The following RP1 variants were observed in gnomAD, a reference collection of about 807,000 sequenced individuals.
RP1 encodes oxygen-regulated protein 1.
In RP1, 16 loss-of-function variants were observed where a neutral mutation model predicts 14.8. That is an observed-to-expected ratio of 1.08 (90% CI 0.73 to 1.65). RP1 has a LOEUF of 1.65. Ranked by LOEUF, RP1 falls within the 40% of genes most tolerant of loss-of-function variation. RP1 has a pLI of 0.00. For missense variants in RP1, 2,631 were observed against 2,535.0 expected, an observed-to-expected ratio of 1.04 and a Z score of -0.81; for synonymous variants, 876 against 883.6, an observed-to-expected ratio of 0.99 and a Z score of 0.15.
intron 24 of RP1, among the ~76,000 whole-genome samples, chr8:54,801,803 T>C (rs1294446230): frequency 6.6e-6 from 1 of 152,216 alleles, no homozygotes; most frequent in East Asian, 1.9e-4. Flanking sequence ...GGTGAGCACA[T>C]GCTTAGGTCC....
intron 5 of RP1, among the ~76,000 whole-genome samples, chr8:54,653,484 A>C (rs1806696334): frequency 6.6e-6 from 1 of 152,190 alleles, no homozygotes. Flanking sequence ...ACAAGTTCTC[A>C]AAATGTGCAG....
exon 13 of RP1, chr8:54,699,480 T>C (rs1166362198): frequency 7.3e-7 from 1 of 1,374,078 alleles, no homozygotes; most frequent in African/African-American, 1.4e-5. Context: ...TCTTTGATGT[T>C]ATTTTCAACA....
chr8:54,561,476 C>A (rs969606944), intron 1 of RP1, among the ~76,000 whole-genome samples: 9 of 151,682 alleles, frequency 5.9e-5, no homozygotes, highest in South Asian at 2.1e-4. Flanking sequence ...AAAAACAGCA[C>A]CCTTAGAAAC....
At chr8:54,649,186 T>A in intron 4 of RP1, 2 of 1,403,358 alleles carry the variant, frequency 1.4e-6, no homozygotes, top group Non-Finnish European at 1.9e-6. Flanking sequence ...TTAATATAAG[T>A]GATACACCTA....
chr8:54,848,074 C>T (rs1262156572), intron 25 of RP1, among the ~76,000 whole-genome samples: 2 of 152,166 alleles, frequency 1.3e-5, no homozygotes, highest in African/African-American at 4.8e-5. Flanking sequence ...GCTCTCTCTC[C>T]CTCCTCTCCT....
chr8:54,797,269 A>C (rs1349162515), intron 24 of RP1, among the ~76,000 whole-genome samples: 1 of 152,162 alleles, frequency 6.6e-6, no homozygotes, highest in African/African-American at 2.4e-5. Flanking sequence ...TTTATAGAGG[A>C]GGACGGCACC....
At position 54,629,938 on chromosome 8, in the gene RP1, G is replaced by A. The variant is rs750005747; in HGVS notation, c.6056G>A (p.Gly2019Asp). ...AACTTCTTGGGGTTAGAGGAAGAAG[G>A]TAATTTAAAGAAATTTCAACCAGAT... Reference protein sequence around the residue: ...RINFLGLEEEGNLKKFQPDLK... With the variant: ...RINFLGLEEEDNLKKFQPDLK... Residue 2019 changes from glycine (G) to aspartate (D), a missense_variant, in exon 4 of 4, where the codon GGT (glycine) becomes GAT (aspartate). Coordinates refer to ENST00000220676, the MANE Select transcript of RP1 (RefSeq NM_006269.2). 38 of 1,613,806 alleles carry A rather than the reference G, an allele frequency of 2.4e-5. No individual in the cohort carries two copies. The highest frequency in any genetic ancestry group is 6.7e-5 in the Admixed American group (4 of 59,994).
At chr8:54,564,463 T>C (rs1366878689) in intron 1 of RP1, among the ~76,000 whole-genome samples, 1 of 152,134 alleles carries the variant, frequency 6.6e-6, no homozygotes. Context: ...CTCAGAGGGT[T>C]GTTGTGACAA....
intron 1 of RP1, among the ~76,000 whole-genome samples, chr8:54,577,317 A>C (rs1804684458): frequency 6.6e-6 from 1 of 152,204 alleles, no homozygotes; most frequent in Non-Finnish European, 1.5e-5. Context: ...CACCTGGCTG[A>C]AAACTTTAAA....
At chr8:54,620,909 T>C (rs911040615) in intron 1 of RP1, 46 bp from the exon 2 acceptor site, 4 of 1,551,032 alleles carry the variant, frequency 2.6e-6, no homozygotes, top group Admixed American at 1.7e-5. Context: ...TACCATGTAT[T>C]CGCTATGGTG....
chr8:54,866,164 G>A (rs1812454113), intron 28 of RP1, among the ~76,000 whole-genome samples: 1 of 152,136 alleles, frequency 6.6e-6, no homozygotes, highest in Admixed American at 6.6e-5. Flanking sequence ...ATTGGATTAG[G>A]ACTTAGAAAA....
intron 14 of RP1, among the ~76,000 whole-genome samples, chr8:54,704,677 G>A (rs2129344539): frequency 6.6e-6 from 1 of 152,280 alleles, no homozygotes; most frequent in East Asian, 1.9e-4. Flanking sequence ...ATTAAGTGAA[G>A]TGCAAATAAA....
intron 15 of RP1, among the ~76,000 whole-genome samples, chr8:54,710,230 C>T (rs1808263839): frequency 6.6e-6 from 1 of 152,216 alleles, no homozygotes; most frequent in Non-Finnish European, 1.5e-5. Flanking sequence ...TTTACTTAGC[C>T]TGCCCCGCTC....
At chr8:54,580,409 T>C (rs1443121008) in intron 1 of RP1, among the ~76,000 whole-genome samples, 1 of 146,868 alleles carries the variant, frequency 6.8e-6, no homozygotes, top group Non-Finnish European at 1.5e-5. Context: ...TGGGTTCAAG[T>C]GATTCTCCTG....
chr8:54,567,659 GGTAGAAAACCTCTT>G (rs1804436950), intron 1 of RP1, among the ~76,000 whole-genome samples: 1 of 152,084 alleles, frequency 6.6e-6, no homozygotes, highest in Non-Finnish European at 1.5e-5. Context: ...TCTTTTGTGT[GGTAGAAAACCTCTT>G]GTAAATGCAT....
chr8:54,590,459 C>T (rs577502723), intron 1 of RP1, among the ~76,000 whole-genome samples: 6 of 152,266 alleles, frequency 3.9e-5, no homozygotes, highest in African/African-American at 1.2e-4. Flanking sequence ...CAGGGGTGCT[C>T]ACCCAGCCTA....
In RP1 at chr8:54,726,881, C is replaced by T. The variant is rs532789475; in HGVS notation, c.2521+405C>T. ...ACTGAAGCTTAAAAAAAAGTGCTCT[C>T]GGTCCCAGAGGCTTAAATTCCTAGT... On this transcript the variant is annotated intron_variant, in intron 17 of 22. Transcript: ENST00000636932. Among the ~76,000 whole-genome samples the T allele has an allele frequency of 3.3e-5, 5 of 152,078 alleles. No homozygotes were observed. The East Asian group carries it at 5.8e-4, about 18-fold the overall frequency.
At position 54,853,047 on chromosome 8, in the gene RP1, A is replaced by T. The variant is rs560160330; in HGVS notation, c.3990+319A>T. Reference sequence around the variant, plus strand: ...TTTTAAAGGTATGACAGAGCTACCCAGGCGTTTAGGGCTTGAGGGCCCAAG... The same window carrying T: ...TTTTAAAGGTATGACAGAGCTACCCTGGCGTTTAGGGCTTGAGGGCCCAAG... On this transcript the variant is annotated intron_variant, in intron 26 of 28. Coordinates refer to the RP1 transcript ENST00000637698. Among the ~76,000 whole-genome samples the T allele has an allele frequency of 2.6e-5, 4 of 152,234 alleles. No individual in the cohort carries two copies. In the South Asian group the frequency reaches 8.3e-4, roughly 32 times the overall value.
At chr8:54,765,038 G>A (rs931301110) in intron 22 of RP1, among the ~76,000 whole-genome samples, 4 of 152,200 alleles carry the variant, frequency 2.6e-5, no homozygotes, top group African/African-American at 4.8e-5. Flanking sequence ...AGGGGGCTCC[G>A]CCTTGACGGC....
Sources: gnomAD v4.1 joint callset for allele counts (sites outside exome capture counted in the v4.1 genomes callset) on GRCh38, gnomAD v4.1.1 for gene constraint, MANE v1.5 for transcripts, NCBI Gene and HGNC (gene_info 2026-07-23, HGNC 2026-07-21) for gene names.